CLCN2: variants seen among roughly 807,000 people sequenced by gnomAD.
The protein encoded by CLCN2 is chloride voltage-gated channel 2.
In CLCN2, 72 loss-of-function variants were observed where a neutral mutation model predicts 108.3. The ratio of observed to expected loss-of-function variants is 0.66; its 90% CI spans 0.55 to 0.81. The LOEUF is 0.81. Among genes scored for constraint, CLCN2 ranks in the 30% least tolerant of loss-of-function variants. The pLI is 0.00. For synonymous variants in CLCN2, 471 were observed against 467.1 expected (o/e 1.01, Z -0.11); for missense variants, 1,048 against 1,205.2 (o/e 0.87, Z 1.93).
chr3:184,358,803 G>A lies in CLCN2; in HGVS notation c.231C>T (p.Val77=). The change falls in exon 3 of 24, where the codon GTC becomes GTT. Residue 77 remains valine, a synonymous_variant. Coordinates refer to ENST00000265593, the MANE Select transcript of CLCN2 (RefSeq NM_004366.6). ...TGGATACTAGGAACTTGTGGCAGCGGACAGAACAGACTGGGTGCAGGGAAG... is the reference window on the plus strand; with the variant it reads ...TGGATACTAGGAACTTGTGGCAGCGAACAGAACAGACTGGGTGCAGGGAAG... ...SRCARCRVCS[V]RCHKFLVSRV... The A allele has an allele frequency of 6.2e-7, 1 of 1,613,826 alleles. No homozygotes were observed. Among genetic ancestry groups the A allele is most frequent in the Non-Finnish European group, 8.5e-7 (1 of 1,179,868 alleles).
At chr3:184,352,580 A>G (rs1167311068) in intron 19 of CLCN2, 84 bp from the exon 20 acceptor site, 56 of 1,495,522 alleles carry the variant, frequency 3.7e-5, no homozygotes, top group Non-Finnish European at 5.0e-5. Context: ...GGTGGAGCCC[A>G]GGGGAAAGGG....
intron 22 of CLCN2, chr3:184,347,672 G>A (rs112444498): frequency 0.015 from 2,516 of 164,888 alleles, 26 homozygotes; most frequent in Non-Finnish European, 0.023. Flanking sequence ...TCTCTCCCCT[G>A]CTCTGGCATT....
At chr3:184,358,642 G>A (rs779514623) in intron 3 of CLCN2, 40 bp downstream of exon 3, 3 of 1,554,136 alleles carry the variant, frequency 1.9e-6, no homozygotes, top group African/African-American at 1.4e-5. Context: ...GACGCAGGAG[G>A]TTTATTCCCA....
chr3:184,361,421 G>C lies in CLCN2; in HGVS notation c.59C>G (p.Thr20Ser). The change falls in exon 1 of 24, where the codon ACC (threonine) becomes AGC (serine). Residue 20 changes from threonine (T) to serine (S), a missense_variant. Thr to Ser is a moderately conservative substitution (Grantham distance 58, BLOSUM62 1). Coordinates refer to ENST00000265593, the MANE Select transcript of CLCN2 (RefSeq NM_004366.6). This position sits in a 1 kb window ranked among gnomAD's most constrained non-coding sequence, Gnocchi z 6.6. The stretch of plus-strand genomic sequence containing the variant: ...GCTCAGCTCAGCTTCACTTACCAGG[G>C]TCTGCTCGTACTGCAGCGCCCGTGG... ...MEPRALQYEQ[T>S]LMYGRYTQDL... is the part of the protein sequence containing the mutation. The C allele has an allele frequency of 1.2e-6, 2 of 1,613,620 alleles. No homozygotes were observed. Among genetic ancestry groups the C allele is most frequent in the Non-Finnish European group, 1.7e-6 (2 of 1,179,948 alleles).
chr3:184,354,926 G>C lies in CLCN2; in HGVS notation c.1374C>G (p.Ala458=). ...CACCAATGACAAAGACAGGCATGAA[G>C]GCCCCACAGGGAACTGGGATGGTGG... ...LATTIPVPCG[A]FMPVFVIGAA... Residue 458 remains alanine (A), a synonymous_variant, in exon 13 of 24, where the codon GCC becomes GCG. Transcript: ENST00000265593. 1 of 1,614,024 alleles carries C rather than the reference G, an allele frequency of 6.2e-7. No individual in the cohort carries two copies. The highest frequency in any genetic ancestry group is 8.5e-7 in the Non-Finnish European group (1 of 1,179,998).
Position 184,354,227 on chromosome 3 carries a change from A to G in CLCN2, c.1595T>C (p.Leu532Pro). The G allele has an allele frequency of 6.2e-7, 1 of 1,613,308 alleles. No individual in the cohort carries two copies. The highest frequency in any genetic ancestry group is 8.5e-7 in the Non-Finnish European group (1 of 1,179,952). The change falls in exon 15 of 24, where the codon CTG becomes CCG. Residue 532 changes from leucine (L) to proline (P), a missense_variant. Coordinates refer to ENST00000265593, the MANE Select transcript of CLCN2 (RefSeq NM_004366.6). The part of the protein sequence containing the change: ...FELTGQIAHI[L>P]PVMIAVILAN... ...CAGGATGACGGCGATCATGACAGGC[A>G]GGATGTGGGCAATCTGGCCTGTGAG...
rs770482761 is a variant in CLCN2, at chr3:184,352,756, G to C, written c.2198C>G (p.Pro733Arg). 6.2e-7 allele frequency: 1 copy of C among 1,613,210 alleles called. No individual in the cohort carries two copies. The highest frequency in any genetic ancestry group is 1.7e-5 in the Admixed American group (1 of 60,018). ...ACTCACCTCCGAAGCAGCCTCAGGGGGTGGACTGCCACAGAAGAGGCTCCG... is the reference window on the plus strand; with the variant it reads ...ACTCACCTCCGAAGCAGCCTCAGGGCGTGGACTGCCACAGAAGAGGCTCCG... Reference protein sequence around the residue: ...ALRSLFCGSPPPEAASEKLES... With the variant: ...ALRSLFCGSPRPEAASEKLES... The change falls in exon 19 of 24, where the codon CCC becomes CGC. Residue 733 changes from proline to arginine, a missense_variant. By Grantham distance (103) the Pro-to-Arg change is moderately radical. Transcript: ENST00000265593.
intron 1 of CLCN2, among the ~76,000 whole-genome samples, chr3:184,360,135 G>C (rs961047628): frequency 1.3e-5 from 2 of 151,976 alleles, no homozygotes; most frequent in African/African-American, 4.8e-5. Flanking sequence ...AGAAGGGGAT[G>C]AGAGAGGAAG....
In CLCN2 at chr3:184,354,551, C is replaced by T. The variant is rs1728386578; in HGVS notation, c.1504G>A (p.Val502Ile). The change falls in exon 14 of 24, where the codon GTC (valine) becomes ATC (isoleucine). Residue 502 changes from valine (V) to isoleucine (I), a missense_variant. Physicochemically the swap from Val to Ile is conservative, Grantham distance 29. Coordinates refer to ENST00000265593, the MANE Select transcript of CLCN2 (RefSeq NM_004366.6). Reference protein sequence around the residue: ...YRIVPGGYAVVGAAALAGAVT... With the variant: ...YRIVPGGYAVIGAAALAGAVT... The stretch of plus-strand genomic sequence containing the variant: ...CGATGGGACCTGAGGCACTCACCGA[C>T]CACAGCGTAGCCCCCAGGCACAATC... The T allele has an allele frequency of 6.2e-7, 1 of 1,612,588 alleles. No individual in the cohort carries two copies. Among genetic ancestry groups the T allele is most frequent in the Non-Finnish European group, 8.5e-7 (1 of 1,179,498 alleles).
chr3:184,352,793 C>G lies in CLCN2; in HGVS notation c.2161G>C (p.Gly721Arg), dbSNP rs1402148201. 1.9e-6 allele frequency: 3 copies of G among 1,613,116 alleles called. No individual in the cohort carries two copies. The highest frequency in any genetic ancestry group is 2.5e-6 in the Non-Finnish European group (3 of 1,180,002). Reference protein sequence around the residue: ...ESPTGSAESAGIALRSLFCGS... With the variant: ...ESPTGSAESARIALRSLFCGS... Reference sequence around the variant, plus strand: ...CAGAAGAGGCTCCGGAGGGCGATGCCTGCCGACTCTGCGCTCCCTGTGTTC... The same window carrying G: ...CAGAAGAGGCTCCGGAGGGCGATGCGTGCCGACTCTGCGCTCCCTGTGTTC... Residue 721 changes from glycine to arginine, a missense_variant, in exon 19 of 24, where the codon GGC becomes CGC. Gly to Arg is a moderately radical substitution (Grantham distance 125). Transcript: ENST00000265593.
In CLCN2 at chr3:184,361,442, C is replaced by T. The variant is rs756167245; in HGVS notation, c.38G>A (p.Arg13Gln). The change falls in exon 1 of 24, where the codon CGG (arginine) becomes CAG (glutamine). Residue 13 changes from arginine (R) to glutamine (Q), a missense_variant. Coordinates refer to ENST00000265593, the MANE Select transcript of CLCN2 (RefSeq NM_004366.6). This position sits in a 1 kb window ranked among gnomAD's most constrained non-coding sequence, Gnocchi z 6.6. ...CAGGGTCTGCTCGTACTGCAGCGCC[C>T]GTGGCTCCATCCCTTCCTCCGCCGC... is the stretch of plus-strand genomic sequence containing the variant. Reference protein sequence around the residue: ...AAAAEEGMEPRALQYEQTLMY... With the variant: ...AAAAEEGMEPQALQYEQTLMY... 22 of 1,613,282 alleles carry T rather than the reference C, an allele frequency of 1.4e-5. No homozygotes were observed. The highest frequency in any genetic ancestry group is 1.8e-5 in the Non-Finnish European group (21 of 1,179,992).
In CLCN2 at chr3:184,358,975, C is replaced by A. The variant is rs900043851; in HGVS notation, c.220G>T (p.Val74Phe). The A allele has an allele frequency of 6.2e-7, 1 of 1,613,408 alleles. No homozygotes were observed. The highest frequency in any genetic ancestry group is 8.5e-7 in the Non-Finnish European group (1 of 1,179,990). Reference sequence around the variant, plus strand: ...CCCCTGCCCCCACCCCAGTTCTCACCGCGGCATCGGGCGCAACGGCTCCGT... The same window carrying A: ...CCCCTGCCCCCACCCCAGTTCTCACAGCGGCATCGGGCGCAACGGCTCCGT... ...YGRSRCARCR[V>F]CSVRCHKFLV... The change falls in exon 2 of 24, where the codon GTC becomes TTC. Residue 74 changes from valine (V) to phenylalanine (F), a missense_variant and splice_region_variant. By Grantham distance (50) the Val-to-Phe change is conservative (BLOSUM62 -1). Coordinates refer to ENST00000265593, the MANE Select transcript of CLCN2 (RefSeq NM_004366.6).
chr3:184,356,299 C>A, intron 10 of CLCN2: 1 of 192,450 alleles, frequency 5.2e-6, no homozygotes, highest in Non-Finnish European at 1.1e-5. Context: ...GCCCTCCCCA[C>A]TCCCAATCCT....
At chr3:184,358,647 T>C in intron 3 of CLCN2, 35 bp downstream of exon 3, 1 of 1,555,584 alleles carries the variant, frequency 6.4e-7, no homozygotes, top group Non-Finnish European at 8.7e-7. Flanking sequence ...AGGAGGTTTA[T>C]TCCCAGTCCT....
In CLCN2 at chr3:184,355,452, T is replaced by C; in HGVS notation, c.1248A>G (p.Glu416=). The change falls in exon 12 of 24, where the codon GAA becomes GAG. Residue 416 remains glutamate (E), a synonymous_variant. Coordinates refer to ENST00000265593, the MANE Select transcript of CLCN2 (RefSeq NM_004366.6). This position sits in a 1 kb window ranked among gnomAD's most constrained non-coding sequence, Gnocchi z 6.3. ...TCCAGGCCTGTGAGGTGCTGGGTGG[T>C]TCTAGCTCCTCCACCAGGCCCTGGC... The part of the protein sequence containing the change: ...WVRQGLVEEL[E]PPSTSQAWNP... 6.2e-7 allele frequency: 1 copy of C among 1,613,964 alleles called. No homozygotes were observed. The highest frequency in any genetic ancestry group is 8.5e-7 in the Non-Finnish European group (1 of 1,179,968).
rs765951500 is a variant in CLCN2, at chr3:184,352,345, A to AG, written c.2272-15dup. 1 of 1,613,760 alleles carries AG rather than the reference A, an allele frequency of 6.2e-7. No individual in the cohort carries two copies. Among genetic ancestry groups the AG allele is most frequent in the Non-Finnish European group, 8.5e-7 (1 of 1,179,998 alleles). ...GTCCGCGTCACTCTAGTAGAGAGGG[A>AG]GGGAGGCTGGCAGCTAGGGGCTCTG... On this transcript the variant is annotated splice_polypyrimidine_tract_variant and intron_variant, in intron 20 of 23. Transcript: ENST00000265593.
intron 1 of CLCN2, among the ~76,000 whole-genome samples, chr3:184,359,470 C>T (rs1301173727): frequency 6.6e-6 from 1 of 152,174 alleles, no homozygotes; most frequent in Admixed American, 6.5e-5. Context: ...GTGGCACAGT[C>T]TAAAAGTGGG....
Position 184,355,191 on chromosome 3 carries a change from C to A in CLCN2, c.1326+183G>T. On this transcript the variant is annotated intron_variant, in intron 12 of 23. Transcript: ENST00000265593. This position sits in a 1 kb window ranked among gnomAD's most constrained non-coding sequence, Gnocchi z 6.3. Reference sequence around the variant, plus strand: ...GGCTTGGGTTCAGATCATCGCTCTGCCCTCTAGCTGTGTGACTTTGGGCCA... The same window carrying A: ...GGCTTGGGTTCAGATCATCGCTCTGACCTCTAGCTGTGTGACTTTGGGCCA... 1.1e-5 allele frequency: 9 copies of A among 805,450 alleles called. No homozygotes were observed. The highest frequency in any genetic ancestry group is 1.9e-5 in the Non-Finnish European group (9 of 472,858). The allele number at this position is 805,450 out of a possible 1,614,324, so 49.9% of individuals were successfully genotyped here.
At chr3:184,356,194 G>C (rs543570352) in intron 10 of CLCN2, 1 of 288,274 alleles carries the variant, frequency 3.5e-6, no homozygotes, top group African/African-American at 2.2e-5. Context: ...GGGAAGCTGG[G>C]GTCACTTGTA....
Sources: gnomAD v4.1 joint callset for allele counts (sites outside exome capture counted in the v4.1 genomes callset) on GRCh38, gnomAD v4.1.1 for gene constraint, Gnocchi (gnomAD v3.1) non-coding constraint, MANE v1.5 for transcripts, NCBI Gene and HGNC (gene_info 2026-07-23, HGNC 2026-07-21) for gene names.